Variants in RHOBTB3 observed in about 807,000 individuals in gnomAD.
RHOBTB3 encodes the protein Rho related BTB domain containing 3, also known as rho-related BTB domain-containing protein 3.
In RHOBTB3, 47 loss-of-function variants were observed where a neutral mutation model predicts 67.2. The observed-to-expected ratio is 0.70, with a 90% CI of 0.55 to 0.89. The LOEUF (loss-of-function observed/expected upper bound fraction) is 0.89, where lower values mean the gene tolerates loss of function less well. Ranked by LOEUF, RHOBTB3 falls within the 40% of genes least tolerant of loss-of-function variation. The probability of loss-of-function intolerance (pLI) is 0.00; values close to 1 mark genes in which losing one functional copy is unlikely to be tolerated. For synonymous variants in RHOBTB3, 273 were observed against 274.2 expected, an observed-to-expected ratio of 1.00 and a Z score of 0.04; for missense variants, 631 against 750.0, an observed-to-expected ratio of 0.84 and a Z score of 1.85.
intron 11 of RHOBTB3, 89 bp from the exon 12 acceptor site, chr5:95,792,970 C>T (rs1746459876): frequency 2.4e-6 from 2 of 847,762 alleles, no homozygotes; most frequent in Non-Finnish European, 3.8e-6. Context: ...AGCTGGATCT[C>T]ATCTATTAAA....
At chr5:95,780,030 G>T in intron 8 of RHOBTB3, 1 of 464,788 alleles carries the variant, frequency 2.2e-6, no homozygotes. Context: ...TTGTTGTCTT[G>T]ACTTGCAAAT....
intron 8 of RHOBTB3, among the ~76,000 whole-genome samples, chr5:95,772,115 A>T (rs2112819463): frequency 6.6e-6 from 1 of 152,274 alleles, no homozygotes; most frequent in South Asian, 2.1e-4. Context: ...CACTGAGCAG[A>T]CTCTGCAAGA....
At position 95,768,178 on chromosome 5, in the gene RHOBTB3, C is replaced by T; in HGVS notation, c.1282+12C>T. ...CTTCGAAATTCAAGGTACGGATCAA[C>T]TTTTACAAAGTTTATGATTCATTTT... is the stretch of plus-strand genomic sequence containing the variant. On this transcript the variant is annotated intron_variant, in intron 8 of 11. Transcript: ENST00000379982. The T allele has an allele frequency of 6.3e-7, 1 of 1,597,904 alleles. No individual in the cohort carries two copies. Among genetic ancestry groups the T allele is most frequent in the Non-Finnish European group, 8.5e-7 (1 of 1,174,956 alleles).
At chr5:95,751,763 C>T (rs1379540047) in intron 4 of RHOBTB3, among the ~76,000 whole-genome samples, 3 of 152,144 alleles carry the variant, frequency 2.0e-5, no homozygotes, top group South Asian at 4.1e-4. Flanking sequence ...ATGTTTAGCT[C>T]CCACTTATAA....
At chr5:95,785,566 C>T (rs1273777588) in intron 10 of RHOBTB3, among the ~76,000 whole-genome samples, 1 of 151,504 alleles carries the variant, frequency 6.6e-6, no homozygotes, top group Non-Finnish European at 1.5e-5. Context: ...TGCACTCCAG[C>T]CTGGGTGACA....
chr5:95,789,968 C>T (rs2044172413), intron 11 of RHOBTB3, among the ~76,000 whole-genome samples: 1 of 152,162 alleles, frequency 6.6e-6, no homozygotes, highest in Non-Finnish European at 1.5e-5. Flanking sequence ...GCCTGAGCAA[C>T]ATAACGAGAC....
At chr5:95,733,550 AAAATG>A (rs1036128644) in intron 2 of RHOBTB3, among the ~76,000 whole-genome samples, 6 of 152,356 alleles carry the variant, frequency 3.9e-5, no homozygotes, top group African/African-American at 1.4e-4. Flanking sequence ...TTTGTCTAGT[AAAATG>A]AAATCTTCCA....
intron 8 of RHOBTB3, among the ~76,000 whole-genome samples, chr5:95,768,733 A>C (rs539328154): frequency 9.2e-5 from 14 of 152,324 alleles, no homozygotes; most frequent in East Asian, 7.7e-4. Flanking sequence ...GCTGCTGCTT[A>C]TCTCTCTAAG....
At chr5:95,722,788 G>A (rs1754928741) in intron 1 of RHOBTB3, among the ~76,000 whole-genome samples, 1 of 152,178 alleles carries the variant, frequency 6.6e-6, no homozygotes, top group African/African-American at 2.4e-5. Flanking sequence ...CAGCCTAAAA[G>A]AGTCTTATCG....
chr5:95,792,556 TC>T (rs1437744721), intron 11 of RHOBTB3, among the ~76,000 whole-genome samples: 1 of 150,158 alleles, frequency 6.7e-6, no homozygotes, highest in Admixed American at 6.6e-5. Context: ...ACTTTGGGAG[TC>T]CAAGGCAGGC....
intron 4 of RHOBTB3, among the ~76,000 whole-genome samples, chr5:95,749,186 T>G (rs562692688): frequency 4.8e-4 from 73 of 152,332 alleles, no homozygotes; most frequent in South Asian, 3.5e-3. Flanking sequence ...AAGAAGCAAC[T>G]CCTCTCAACA....
rs1190935261 is a variant in RHOBTB3 at position 95,743,763 on chromosome 5, T to G, written c.416-4570T>G. 1.2e-4 allele frequency among the ~76,000 whole-genome samples: 16 copies of G among 137,660 alleles called. No individual in the cohort carries two copies. The Admixed American group carries it at 1.2e-3, about 10-fold the overall frequency. 90.3% of individuals were successfully genotyped at this position (137,660 alleles called of 152,430 possible). ...TGTCACTCTGTTGCCCAGGCTGGAG[T>G]GCAGTGGCACAGTCTCAGCTCATGG... On this transcript the variant is annotated intron_variant, in intron 3 of 11. Coordinates refer to ENST00000379982, the MANE Select transcript of RHOBTB3 (RefSeq NM_014899.4).
chr5:95,755,256 G>A, intron 5 of RHOBTB3, 140 bp from the exon 6 acceptor site: 1 of 553,532 alleles, frequency 1.8e-6, no homozygotes, highest in Non-Finnish European at 2.7e-6. Context: ...ATCAAAAAAT[G>A]GTTAAATATT....
chr5:95,754,995 TAAA>T (rs1745200169), intron 5 of RHOBTB3, among the ~76,000 whole-genome samples: 2 of 152,304 alleles, frequency 1.3e-5, no homozygotes, highest in Admixed American at 6.5e-5. Context: ...AAGGTAAAAG[TAAA>T]GAAGGATGAC....
chr5:95,738,625 A>G (rs1034125275), intron 3 of RHOBTB3, among the ~76,000 whole-genome samples: 4 of 151,784 alleles, frequency 2.6e-5, no homozygotes, highest in Admixed American at 6.6e-5. Context: ...GCCTTCCACC[A>G]TGGGACGATG....
At chr5:95,745,992 G>A (rs1744903317) in intron 3 of RHOBTB3, among the ~76,000 whole-genome samples, 1 of 152,086 alleles carries the variant, frequency 6.6e-6, no homozygotes, top group African/African-American at 2.4e-5. Flanking sequence ...TAAGAAGTAA[G>A]ATTTTAGAAT....
chr5:95,769,038 T>C (rs1745630600), intron 8 of RHOBTB3: 1 of 293,768 alleles, frequency 3.4e-6, no homozygotes. Context: ...CGAGACCAGG[T>C]TACTGGGATC....
At chr5:95,743,737 A>C (rs1345734530) in intron 3 of RHOBTB3, among the ~76,000 whole-genome samples, 5 of 104,598 alleles carry the variant, frequency 4.8e-5, no homozygotes, top group African/African-American at 7.5e-5. Context: ...TTGAGACAGC[A>C]TGTCACTCTG....
intron 2 of RHOBTB3, among the ~76,000 whole-genome samples, chr5:95,735,012 G>GT (rs1335034940): frequency 6.6e-6 from 1 of 152,138 alleles, no homozygotes; most frequent in East Asian, 1.9e-4. Context: ...CTTTTGTTTA[G>GT]TTTTTTATCT....
Sources: allele counts gnomAD v4.1 joint callset (sites outside exome capture counted in the v4.1 genomes callset), GRCh38; gene constraint gnomAD v4.1.1; transcripts MANE v1.5; gene names NCBI Gene and HGNC (gene_info 2026-07-23, HGNC 2026-07-21).